RNFT2: variants seen among roughly 807,000 people sequenced by gnomAD.
The protein encoded by RNFT2 is ring finger protein, transmembrane 2, also known as E3 ubiquitin-protein ligase RNFT2.
A neutral mutation model predicts 53.0 loss-of-function variants in RNFT2; 36 were observed. That is an observed-to-expected ratio of 0.68 (90% CI 0.52 to 0.90). RNFT2 has a LOEUF of 0.90. RNFT2 is among the 40% of genes least tolerant of loss of function. RNFT2 has a pLI of 0.00. For synonymous variants in RNFT2, 260 were observed against 253.2 expected, an observed-to-expected ratio of 1.03 and a Z score of -0.26; for missense variants, 514 against 585.6, an observed-to-expected ratio of 0.88 and a Z score of 1.26.
intron 6 of RNFT2, among the ~76,000 whole-genome samples, chr12:116,767,438 C>T (rs961255554): frequency 6.6e-6 from 1 of 151,964 alleles, no homozygotes; most frequent in Non-Finnish European, 1.5e-5. Flanking sequence ...AGGCTGGGCT[C>T]GGACCTCTGA....
chr12:116,806,378 AAAAATATATAT>A (rs1258417237), intron 7 of RNFT2, among the ~76,000 whole-genome samples: 22 of 132,620 alleles, frequency 1.7e-4, no homozygotes, highest in African/African-American at 5.4e-4. Flanking sequence ...AAAAAAAAAA[AAAAATATATAT>A]ATATATATAT....
rs574377628 is a variant in RNFT2, at chr12:116,779,252, T to C, written c.786T>C (p.Ile262=). The part of the protein sequence containing the change: ...EMLDFFDLLW[I]VGIADFVLKY... ...TGGACTTCTTTGACCTGCTATGGAT[T>C]GTGGGGATCGCAGACTTTGTTCTGA... is the stretch of plus-strand genomic sequence containing the variant. The change falls in exon 7 of 11, where the codon ATT becomes ATC. Residue 262 remains isoleucine, a synonymous_variant. Transcript: ENST00000257575. 1 of 1,613,938 alleles carries C rather than the reference T, an allele frequency of 6.2e-7. No homozygotes were observed. The highest frequency in any genetic ancestry group is 1.1e-5 in the South Asian group (1 of 91,068).
intron 4 of RNFT2, among the ~76,000 whole-genome samples, 188 bp from the exon 5 acceptor site, chr12:116,753,796 T>G (rs569561841): frequency 7.2e-5 from 11 of 152,300 alleles, no homozygotes; most frequent in African/African-American, 2.6e-4. Context: ...TAAGTCAGAA[T>G]GGCTCAGAAT....
intron 7 of RNFT2, among the ~76,000 whole-genome samples, chr12:116,802,733 G>C (rs1379925449): frequency 1.3e-5 from 2 of 152,300 alleles, no homozygotes; most frequent in East Asian, 1.9e-4. Flanking sequence ...AGATCTGGGA[G>C]AGAATAAGTT....
rs1377097947 is a variant in RNFT2, at chr12:116,798,423, A to G, written c.882+19075A>G. 3.3e-5 allele frequency among the ~76,000 whole-genome samples: 5 copies of G among 152,334 alleles called. No individual in the cohort carries two copies. The East Asian group carries it at 7.7e-4, about 23-fold the overall frequency. The stretch of plus-strand genomic sequence containing the variant: ...GGTTAAATGCATGGACCCTGGAGCC[A>G]GATTGCCTGTGTTCAAATCCTGTTT... On this transcript the variant is annotated intron_variant, in intron 7 of 10. Transcript: ENST00000257575.
At chr12:116,834,793 A>C (rs1195768989) in intron 8 of RNFT2, among the ~76,000 whole-genome samples, 1 of 150,832 alleles carries the variant, frequency 6.6e-6, no homozygotes, top group Non-Finnish European at 1.5e-5. Flanking sequence ...TCACCATATG[A>C]TATTCTTTCC....
chr12:116,741,138 G>A (rs1226933596), intron 3 of RNFT2, 44 bp downstream of exon 3: 10 of 1,533,172 alleles, frequency 6.5e-6, no homozygotes, highest in Non-Finnish European at 8.9e-6. Flanking sequence ...TCTAGGCTTC[G>A]GGTGGTGAGG....
chr12:116,789,159 G>A lies in RNFT2; in HGVS notation c.882+9811G>A, dbSNP rs542902694. ...GTAAATGAGAGGAGAGTGAGTAGAT[G>A]GATAGATGGGTGGATGGGTAAATGG... On this transcript the variant is annotated intron_variant, in intron 7 of 10. Coordinates refer to ENST00000257575, the MANE Select transcript of RNFT2 (RefSeq NM_001382266.1). Among the ~76,000 whole-genome samples, 16 of 147,070 alleles carry A rather than the reference G, an allele frequency of 1.1e-4. No homozygotes were observed. The South Asian group carries it at 3.3e-3, about 30-fold the overall frequency.
chr12:116,740,250 A>C, intron 1 of RNFT2, 95 bp from the exon 2 acceptor site: 1 of 449,446 alleles, frequency 2.2e-6, no homozygotes, highest in South Asian at 3.2e-5. Context: ...AGCAGATGGA[A>C]TCATCTGCTT....
At chr12:116,789,455 T>C (rs1419902103) in intron 7 of RNFT2, among the ~76,000 whole-genome samples, 1 of 140,040 alleles carries the variant, frequency 7.1e-6, no homozygotes, top group Non-Finnish European at 1.5e-5. Context: ...GATGGATGGA[T>C]GGATGGATGG....
At chr12:116,768,728 TTC>T (rs745642693) in intron 6 of RNFT2, among the ~76,000 whole-genome samples, 1 of 148,626 alleles carries the variant, frequency 6.7e-6, no homozygotes, top group Non-Finnish European at 1.5e-5. Context: ...TTTTTTATTT[TTC>T]TCTCTCTTTT....
chr12:116,800,812 TTAAAATAAAATAAAATAAAATAAAA>T (rs3069310), intron 7 of RNFT2, among the ~76,000 whole-genome samples: 2 of 114,790 alleles, frequency 1.7e-5, no homozygotes, highest in African/African-American at 3.4e-5. Context: ...AGACTCCATC[TTAAAATAAAATAAAATAAAATAAAA>T]TAAAATAAAA....
At chr12:116,819,563 C>T (rs982724370) in intron 7 of RNFT2, among the ~76,000 whole-genome samples, 25 of 152,130 alleles carry the variant, frequency 1.6e-4, no homozygotes, top group Non-Finnish European at 3.1e-4. Flanking sequence ...AGGAGGCAGG[C>T]GGCCGGGCCA....
At position 116,849,580 on chromosome 12, in the gene RNFT2, A is replaced by C; in HGVS notation, c.*132A>C. The C allele has an allele frequency of 7.0e-7, 1 of 1,427,404 alleles. No homozygotes were observed. Among genetic ancestry groups the C allele is most frequent in the Admixed American group, 2.6e-5 (1 of 39,156 alleles). The allele number at this position is 1,427,404 out of a possible 1,614,324, so 88.4% of individuals were successfully genotyped here. A position where few individuals can be genotyped will look rare whatever the true frequency, so the allele number is the denominator to read the frequency against. ...CTTGCCCTCCACCACCTCTGACCCC[A>C]AAGTCCCGCCCCTGTCTTGTCCTTC... On this transcript the variant is annotated 3_prime_UTR_variant, in exon 11 of 11. Transcript: ENST00000257575.
chr12:116,841,808 TATATATATAA>T (rs1565875956), intron 10 of RNFT2, among the ~76,000 whole-genome samples: 26 of 80,930 alleles, frequency 3.2e-4, no homozygotes, highest in East Asian at 9.9e-4. Context: ...TATATATAAA[TATATATATAA>T]AAATATATAT....
intron 7 of RNFT2, among the ~76,000 whole-genome samples, chr12:116,809,913 G>A (rs1875286219): frequency 6.6e-6 from 1 of 152,106 alleles, no homozygotes. Flanking sequence ...AACCTCAGAT[G>A]ATCCACCCAC....
intron 7 of RNFT2, among the ~76,000 whole-genome samples, chr12:116,821,804 T>C (rs1258014797): frequency 1.0e-4 from 1 of 9,730 alleles, no homozygotes; most frequent in Non-Finnish European, 3.3e-4. Flanking sequence ...ACTTGTTTCT[T>C]TTTTTTTTTT....
chr12:116,786,693 C>G (rs150841176), intron 7 of RNFT2, among the ~76,000 whole-genome samples: 2 of 152,330 alleles, frequency 1.3e-5, no homozygotes, highest in Admixed American at 6.5e-5. Flanking sequence ...GTTGCAGTAA[C>G]GAAATACCAC....
intron 10 of RNFT2, among the ~76,000 whole-genome samples, chr12:116,837,751 T>G (rs1023611902): frequency 4.6e-5 from 7 of 151,974 alleles, no homozygotes; most frequent in African/African-American, 1.7e-4. Flanking sequence ...GAGTCTGGAG[T>G]TGAGTTAATA....
Sources: allele counts gnomAD v4.1 joint callset (sites outside exome capture counted in the v4.1 genomes callset), GRCh38; gene constraint gnomAD v4.1.1; transcripts MANE v1.5; gene names NCBI Gene and HGNC (gene_info 2026-07-23, HGNC 2026-07-21).